The following KHDRBS2 variants were observed in gnomAD, a reference collection of about 807,000 sequenced individuals.
KHDRBS2 encodes the protein KH RNA binding domain containing, signal transduction associated 2, also known as KH domain-containing, RNA-binding, signal transduction-associated protein 2.
Under a neutral mutation model 44.3 loss-of-function variants are expected in KHDRBS2, and 26 were observed. The observed-to-expected ratio is 0.59, with a 90% CI of 0.43 to 0.81. The LOEUF (loss-of-function observed/expected upper bound fraction) is 0.81. Ranked by LOEUF, KHDRBS2 falls within the 40% of genes least tolerant of loss-of-function variation. KHDRBS2 has a pLI of 0.00. For missense variants in KHDRBS2, 476 were observed against 433.1 expected (o/e 1.10, Z -0.88); for synonymous variants, 194 against 151.1 (o/e 1.28, Z -2.08).
chr6:62,260,468 A>G (rs910679880), intron 1 of KHDRBS2, among the ~76,000 whole-genome samples: 4 of 151,956 alleles, frequency 2.6e-5, no homozygotes, highest in African/African-American at 9.7e-5. Flanking sequence ...CCACCCATGG[A>G]TTTAACAATT....
intron 3 of KHDRBS2, among the ~76,000 whole-genome samples, chr6:62,014,155 T>A (rs1780787443): frequency 6.6e-6 from 1 of 152,128 alleles, no homozygotes; most frequent in Admixed American, 6.6e-5. Context: ...TTAATAAAAT[T>A]AGTTATTCTC....
chr6:62,138,744 T>C (rs1812109752), intron 2 of KHDRBS2, among the ~76,000 whole-genome samples: 1 of 152,192 alleles, frequency 6.6e-6, no homozygotes, highest in Non-Finnish European at 1.5e-5. Context: ...ATATGACTTA[T>C]ATAGATTAAT....
rs746237096 is a variant in KHDRBS2 at position 62,047,918 on chromosome 6, A to G, written c.296T>C (p.Met99Thr). 6.2e-7 allele frequency: 1 copy of G among 1,611,844 alleles called. No individual in the cohort carries two copies. The highest frequency in any genetic ancestry group is 1.3e-5 in the African/African-American group (1 of 74,790). ...KRLQEETGAK[M>T]SILGKGSMRD... is the part of the protein sequence containing the mutation. ...CATTGATCCTTTGCCCAGGATAGACATTTTAGCACCTGTTTCTTCCTGTAG... is the reference window on the plus strand; with the variant it reads ...CATTGATCCTTTGCCCAGGATAGACGTTTTAGCACCTGTTTCTTCCTGTAG... The change falls in exon 3 of 9, where the codon ATG (methionine) becomes ACG (threonine). Residue 99 changes from methionine to threonine, a missense_variant. Coordinates refer to ENST00000281156, the MANE Select transcript of KHDRBS2 (RefSeq NM_152688.4).
chr6:61,962,324 C>A (rs1768917644), intron 4 of KHDRBS2, among the ~76,000 whole-genome samples: 1 of 152,064 alleles, frequency 6.6e-6, no homozygotes, highest in Admixed American at 6.6e-5. Flanking sequence ...TGTGATGAAG[C>A]AATAACTGTG....
intron 6 of KHDRBS2, among the ~76,000 whole-genome samples, chr6:61,798,485 C>T (rs1348579639): frequency 6.6e-6 from 1 of 152,012 alleles, no homozygotes; most frequent in Non-Finnish European, 1.5e-5. Context: ...TTAAAGAATA[C>T]TATGGTTAGT....
At chr6:62,261,813 T>C (rs1474017088) in intron 1 of KHDRBS2, among the ~76,000 whole-genome samples, 1 of 151,798 alleles carries the variant, frequency 6.6e-6, no homozygotes, top group Admixed American at 6.6e-5. Flanking sequence ...TTGTATTTAG[T>C]ATACTAAACA....
At chr6:62,016,701 C>G (rs1359243762) in intron 3 of KHDRBS2, among the ~76,000 whole-genome samples, 1 of 151,078 alleles carries the variant, frequency 6.6e-6, no homozygotes, top group Non-Finnish European at 1.5e-5. Flanking sequence ...TATTTAAGAT[C>G]TGGTACAGAT....
chr6:62,050,783 ACTG>A lies in KHDRBS2; in HGVS notation c.220-2792_220-2790del, dbSNP rs149481782. ...AGTTCCACTATGATCCAGTAATTCA[ACTG>A]CTAAGTATTTATCCCAGGGAATTAA... On this transcript the variant is annotated intron_variant, in intron 2 of 8. Transcript: ENST00000281156. 3.8e-3 allele frequency among the ~76,000 whole-genome samples: 584 copies of A among 152,160 alleles called. 1 individual carries two copies. The highest frequency in any genetic ancestry group is 0.014 in the African/African-American group (564 of 41,540).
intron 2 of KHDRBS2, among the ~76,000 whole-genome samples, chr6:62,084,117 T>G (rs989764704): frequency 1.3e-5 from 2 of 152,168 alleles, no homozygotes; most frequent in Non-Finnish European, 1.5e-5. Flanking sequence ...GTATAATCCC[T>G]AACGAGATAT....
chr6:61,887,944 A>G (rs1801208784), intron 6 of KHDRBS2, among the ~76,000 whole-genome samples: 1 of 152,182 alleles, frequency 6.6e-6, no homozygotes, highest in Non-Finnish European at 1.5e-5. Flanking sequence ...CACGTATTAA[A>G]CCTTACTCAT....
At chr6:62,070,252 T>C (rs1435801798) in intron 2 of KHDRBS2, among the ~76,000 whole-genome samples, 2 of 151,790 alleles carry the variant, frequency 1.3e-5, no homozygotes, top group East Asian at 1.9e-4. Context: ...GATATTGATA[T>C]ATAGTTTTCT....
At chr6:61,889,055 A>G (rs1278384752) in intron 6 of KHDRBS2, among the ~76,000 whole-genome samples, 2 of 152,218 alleles carry the variant, frequency 1.3e-5, no homozygotes, top group Admixed American at 6.5e-5. Flanking sequence ...AATATCTATG[A>G]CTTCAAAGGG....
intron 2 of KHDRBS2, among the ~76,000 whole-genome samples, chr6:62,143,978 A>T (rs1283560760): frequency 6.6e-6 from 1 of 151,932 alleles, no homozygotes; most frequent in East Asian, 1.9e-4. Context: ...AGTTGAAAAA[A>T]CAAAATATAA....
At chr6:62,082,017 G>A (rs920748319) in intron 2 of KHDRBS2, among the ~76,000 whole-genome samples, 10 of 151,964 alleles carry the variant, frequency 6.6e-5, no homozygotes, top group African/African-American at 2.4e-4. Context: ...ACACAATAGG[G>A]TATTGATCTC....
intron 1 of KHDRBS2, among the ~76,000 whole-genome samples, chr6:62,206,643 G>A (rs1828024547): frequency 6.6e-6 from 1 of 151,910 alleles, no homozygotes. Flanking sequence ...GAATAATTTT[G>A]ATAATACTAA....
intron 3 of KHDRBS2, among the ~76,000 whole-genome samples, chr6:61,979,204 T>A (rs751769182): frequency 6.6e-6 from 1 of 152,088 alleles, no homozygotes; most frequent in Non-Finnish European, 1.5e-5. Flanking sequence ...CCAATTCAGA[T>A]CCAGACCCAG....
At chr6:61,890,084 C>G (rs1453068944) in intron 6 of KHDRBS2, among the ~76,000 whole-genome samples, 1 of 152,132 alleles carries the variant, frequency 6.6e-6, no homozygotes, top group Non-Finnish European at 1.5e-5. Flanking sequence ...CATTTGTTTA[C>G]ATATGTTTAT....
At chr6:61,710,468 C>T (rs983846687) in intron 7 of KHDRBS2, among the ~76,000 whole-genome samples, 13 of 151,746 alleles carry the variant, frequency 8.6e-5, no homozygotes, top group African/African-American at 2.9e-4. Context: ...GAGCACAAGT[C>T]CATTTTCTAT....
At chr6:61,750,659 A>G (rs554370600) in intron 6 of KHDRBS2, among the ~76,000 whole-genome samples, 2 of 151,544 alleles carry the variant, frequency 1.3e-5, no homozygotes, top group Non-Finnish European at 2.9e-5. Flanking sequence ...CTAGGTCTCT[A>G]TATCTTGTTT....
Sources: gnomAD v4.1 joint callset for allele counts (sites outside exome capture counted in the v4.1 genomes callset) on GRCh38, gnomAD v4.1.1 for gene constraint, MANE v1.5 for transcripts, NCBI Gene and HGNC (gene_info 2026-07-23, HGNC 2026-07-21) for gene names.